GRIN2A: variants seen among roughly 807,000 people sequenced by gnomAD.
GRIN2A encodes the protein glutamate ionotropic receptor NMDA type subunit 2A, also known as glutamate receptor ionotropic, NMDA 2A.
A neutral mutation model predicts 113.4 loss-of-function variants in GRIN2A; 22 were observed. That is an observed-to-expected ratio of 0.19 (90% CI 0.14 to 0.28). The LOEUF (loss-of-function observed/expected upper bound fraction) is 0.28. Ranked by LOEUF, GRIN2A falls within the 10% of genes least tolerant of loss-of-function variation. The pLI is 1.00. For synonymous variants in GRIN2A, 827 were observed against 738.4 expected (o/e 1.12, Z -1.94); for missense variants, 1,502 against 1,887.0 (o/e 0.80, Z 3.78).
At chr16:10,090,105 C>T (rs1333600635) in intron 2 of GRIN2A, among the ~76,000 whole-genome samples, 4 of 152,026 alleles carry the variant, frequency 2.6e-5, no homozygotes, top group South Asian at 2.1e-4. Flanking sequence ...GTGCTAAAGA[C>T]ACAACGGTGA....
intron 9 of GRIN2A, among the ~76,000 whole-genome samples, chr16:9,823,632 G>T (rs955204398): frequency 3.3e-5 from 5 of 152,154 alleles, no homozygotes; most frequent in Non-Finnish European, 7.3e-5. Context: ...ACTATGCCAA[G>T]AACTTTACAA....
intron 2 of GRIN2A, among the ~76,000 whole-genome samples, chr16:10,046,282 C>T (rs1222805132): frequency 6.6e-6 from 1 of 151,896 alleles, no homozygotes; most frequent in Non-Finnish European, 1.5e-5. Flanking sequence ...TTATCACCAC[C>T]CTGAGGATGC....
rs2048444071 is a variant in GRIN2A at position 10,103,791 on chromosome 16, T to C, written c.414+76207A>G. 5.9e-5 allele frequency among the ~76,000 whole-genome samples: 9 copies of C among 152,240 alleles called. No individual in the cohort carries two copies. The South Asian group carries it at 1.9e-3, about 32-fold the overall frequency. Reference sequence around the variant, plus strand: ...AGGTAGATTTTGTCTCTATGGGCTCTACTTCTTCCCTTAGATTCTAGAGCA... The same window carrying C: ...AGGTAGATTTTGTCTCTATGGGCTCCACTTCTTCCCTTAGATTCTAGAGCA... On this transcript the variant is annotated intron_variant, in intron 2 of 12. Coordinates refer to ENST00000330684, the MANE Select transcript of GRIN2A (RefSeq NM_001134407.3).
At position 10,122,835 on chromosome 16, in the gene GRIN2A, C is replaced by A. The variant is rs374672261; in HGVS notation, c.414+57163G>T. On this transcript the variant is annotated intron_variant, in intron 2 of 12. Transcript: ENST00000330684. ...ACAATATCAATCATCATCTATGCAA[C>A]CACTCATTATTTTGACTCAAACAGA... is the stretch of plus-strand genomic sequence containing the variant. Among the ~76,000 whole-genome samples the A allele has an allele frequency of 1.7e-4, 26 of 152,218 alleles. No individual in the cohort carries two copies. In the South Asian group the frequency reaches 5.2e-3, roughly 30 times the overall value.
At chr16:9,998,152 C>T (rs548222494) in intron 2 of GRIN2A, among the ~76,000 whole-genome samples, 1 of 152,174 alleles carries the variant, frequency 6.6e-6, no homozygotes, top group Non-Finnish European at 1.5e-5. Context: ...TGAGGCTCTA[C>T]TTTATTCTAC....
intron 3 of GRIN2A, among the ~76,000 whole-genome samples, chr16:9,904,093 A>G (rs2043984830): frequency 6.6e-6 from 1 of 152,240 alleles, no homozygotes. Flanking sequence ...AAGGAAATCA[A>G]GTTATTCCAG....
intron 12 of GRIN2A, among the ~76,000 whole-genome samples, chr16:9,767,102 T>C (rs1900962822): frequency 6.6e-6 from 1 of 152,230 alleles, no homozygotes; most frequent in Non-Finnish European, 1.5e-5. Flanking sequence ...CCTTTGGTAA[T>C]TGGCTGGGAG....
chr16:9,772,062 C>T (rs949635831), intron 11 of GRIN2A, among the ~76,000 whole-genome samples: 1 of 152,174 alleles, frequency 6.6e-6, no homozygotes. Context: ...AAATCCATCC[C>T]TTTCCAGTTC....
Position 9,758,143 on chromosome 16 carries a change from C to T in GRIN2A, c.*5006G>A, listed in dbSNP as rs773012536. The T allele has an allele frequency of 1.6e-4, 35 of 215,146 alleles. No individual in the cohort carries two copies. The highest frequency in any genetic ancestry group is 2.7e-4 in the Non-Finnish European group (29 of 106,544). The allele number at this position is 215,146 out of a possible 1,614,324, so 13.3% of individuals were successfully genotyped here. On this transcript the variant is annotated 3_prime_UTR_variant, in exon 13 of 13. Coordinates refer to ENST00000330684, the MANE Select transcript of GRIN2A (RefSeq NM_001134407.3). ...TCTCCTAACTTTTGGTGTGGTTCTA[C>T]GAACTCTATTTTTCTAAGACCCTTC...
chr16:10,124,837 G>C (rs1333589125), intron 2 of GRIN2A, among the ~76,000 whole-genome samples: 5 of 152,136 alleles, frequency 3.3e-5, no homozygotes, highest in African/African-American at 4.8e-5. Flanking sequence ...TGACATGAGG[G>C]CTCCTATGGA....
At chr16:10,098,838 T>C (rs954714794) in intron 2 of GRIN2A, among the ~76,000 whole-genome samples, 5 of 151,984 alleles carry the variant, frequency 3.3e-5, no homozygotes, top group African/African-American at 2.4e-5. Context: ...AGACTACAAA[T>C]TGGATTAAAT....
rs367543135 is a variant in GRIN2A at position 9,764,131 on chromosome 16, T to A, written c.3413A>T (p.Asn1138Ile). 4 of 1,613,596 alleles carry A rather than the reference T, an allele frequency of 2.5e-6. No individual in the cohort carries two copies. Among genetic ancestry groups the A allele is most frequent in the Non-Finnish European group, 3.4e-6 (4 of 1,179,620 alleles). The change falls in exon 13 of 13, where the codon AAT (asparagine) becomes ATT (isoleucine). Residue 1138 changes from asparagine to isoleucine, a missense_variant. Coordinates refer to ENST00000330684, the MANE Select transcript of GRIN2A (RefSeq NM_001134407.3). ...FHLDPPQFVE[N>I]VTLPENVDFP... is the part of the protein sequence containing the mutation. The stretch of plus-strand genomic sequence containing the variant: ...GTCCACGTTCTCGGGCAGGGTCACA[T>A]TTTCAACAAACTGGGGTGGATCTAA...
rs183910840 is a variant in GRIN2A, at chr16:9,902,531, A to T, written c.1008-11431T>A. ...TCTTTAAGCTACTTTTATGTTTTAG[A>T]ATTTCTGCCATTTAAAAAAATAATT... On this transcript the variant is annotated intron_variant, in intron 3 of 12. Transcript: ENST00000330684. Among the ~76,000 whole-genome samples the T allele has an allele frequency of 8.5e-5, 13 of 152,264 alleles. No homozygotes were observed. In the East Asian group the frequency reaches 2.5e-3, roughly 29 times the overall value.
intron 4 of GRIN2A, among the ~76,000 whole-genome samples, chr16:9,850,609 G>T (rs777674551): frequency 5.3e-5 from 8 of 152,154 alleles, no homozygotes; most frequent in Middle Eastern, 6.8e-3. Context: ...GAGGAGTGGG[G>T]GTTGAGACAA....
At chr16:10,117,382 G>A (rs1014497301) in intron 2 of GRIN2A, among the ~76,000 whole-genome samples, 1 of 152,184 alleles carries the variant, frequency 6.6e-6, no homozygotes, top group Admixed American at 6.5e-5. Context: ...ATCTACTGTG[G>A]GTGGCGATAA....
rs1248884929 is a variant in GRIN2A at position 9,838,726 on chromosome 16, A to G, written c.1651+1921T>C. Among the ~76,000 whole-genome samples, 5 of 152,208 alleles carry G rather than the reference A, an allele frequency of 3.3e-5. No homozygotes were observed. The East Asian group carries it at 9.6e-4, about 29-fold the overall frequency. On this transcript the variant is annotated intron_variant, in intron 7 of 12. Transcript: ENST00000330684. Reference sequence around the variant, plus strand: ...CCACAGTGTCAAGACCAGTATCTGAATATGTGATCTTATTTTTTTAGCAGC... The same window carrying G: ...CCACAGTGTCAAGACCAGTATCTGAGTATGTGATCTTATTTTTTTAGCAGC...
chr16:10,151,687 C>T (rs529785820), intron 2 of GRIN2A, among the ~76,000 whole-genome samples: 1 of 152,136 alleles, frequency 6.6e-6, no homozygotes, highest in South Asian at 2.1e-4. Context: ...ATTACTATAA[C>T]AACCACTACC....
intron 3 of GRIN2A, among the ~76,000 whole-genome samples, chr16:9,893,912 G>C (rs8060167): frequency 1.2e-4 from 19 of 152,208 alleles, no homozygotes; most frequent in African/African-American, 4.6e-4. Flanking sequence ...CACAGTGTTT[G>C]TCTTCTTTCT....
intron 2 of GRIN2A, among the ~76,000 whole-genome samples, chr16:10,094,443 C>G (rs978603388): frequency 6.7e-6 from 1 of 149,740 alleles, no homozygotes; most frequent in Non-Finnish European, 1.5e-5. Flanking sequence ...ATTATTCTCA[C>G]CAAGAAAACA....
Sources: gnomAD v4.1 joint callset for allele counts (sites outside exome capture counted in the v4.1 genomes callset) on GRCh38, gnomAD v4.1.1 for gene constraint, MANE v1.5 for transcripts, NCBI Gene and HGNC (gene_info 2026-07-23, HGNC 2026-07-21) for gene names.